ARHGEF4: variants seen among roughly 807,000 people sequenced by gnomAD.
ARHGEF4 encodes the protein APC-stimulated guanine nucleotide exchange factor 1.
ARHGEF4 carries 119 observed loss-of-function variants against 162.0 expected under a neutral mutation model. The observed-to-expected ratio is 0.73, with a 90% CI of 0.63 to 0.86. The LOEUF is 0.86. ARHGEF4 is among the 40% of genes least tolerant of loss of function. ARHGEF4 has a pLI of 0.00. For synonymous variants in ARHGEF4, 1,014 were observed against 979.9 expected, an observed-to-expected ratio of 1.03 and a Z score of -0.65; for missense variants, 2,488 against 2,456.0, an observed-to-expected ratio of 1.01 and a Z score of -0.28.
intron 4 of ARHGEF4, among the ~76,000 whole-genome samples, chr2:130,971,793 A>G (rs537466483): frequency 6.6e-6 from 1 of 152,324 alleles, no homozygotes; most frequent in Non-Finnish European, 1.5e-5. Context: ...CAGTTTAGAA[A>G]CATCATACAT....
rs115284608 is a variant in ARHGEF4 at position 130,997,624 on chromosome 2, T to C, written c.3986-30321T>C. Among the ~76,000 whole-genome samples, 752 of 152,302 alleles carry C rather than the reference T, an allele frequency of 4.9e-3. 7 individuals carry two copies. Among genetic ancestry groups the C allele is most frequent in the African/African-American group, 0.017 (725 of 41,558 alleles). ...TAACCTTTGTGAAGTTAAGATAGTT[T>C]CTATGTTGAGCAGTTCTAATCCTAA... On this transcript the variant is annotated intron_variant, in intron 4 of 13. Coordinates refer to ENST00000409359, the MANE Select transcript of ARHGEF4 (RefSeq NM_001367493.1).
intron 6 of ARHGEF4, 97 bp from the exon 7 acceptor site, chr2:131,039,919 C>T (rs1690637136): frequency 6.7e-7 from 1 of 1,484,884 alleles, no homozygotes; most frequent in South Asian, 1.4e-5. Flanking sequence ...GTACACCCTG[C>T]GGGGCCTCCG....
chr2:131,035,774 G>T (rs1344901451), intron 5 of ARHGEF4: 3 of 985,210 alleles, frequency 3.0e-6, no homozygotes, highest in Non-Finnish European at 3.6e-6. Flanking sequence ...TGGGCCCTCT[G>T]AAGCCCCCAC....
intron 11 of ARHGEF4, among the ~76,000 whole-genome samples, chr2:131,044,072 C>T (rs1314597763): frequency 4.6e-5 from 7 of 152,176 alleles, no homozygotes; most frequent in African/African-American, 7.2e-5. Flanking sequence ...GGGCCAACCC[C>T]GGGCTAGTCA....
At chr2:131,034,106 T>C (rs1690053947) in intron 5 of ARHGEF4, among the ~76,000 whole-genome samples, 2 of 152,216 alleles carry the variant, frequency 1.3e-5, no homozygotes, top group African/African-American at 2.4e-5. Context: ...CACAGAGAGA[T>C]CAGAGCATAC....
intron 1 of ARHGEF4, among the ~76,000 whole-genome samples, chr2:130,899,591 G>C (rs898157747): frequency 3.9e-5 from 6 of 152,224 alleles, no homozygotes; most frequent in Non-Finnish European, 8.8e-5. Context: ...AGGCAGACGG[G>C]AGAGCCGCCA....
chr2:130,919,539 T>C (rs1297751917), intron 2 of ARHGEF4, among the ~76,000 whole-genome samples: 2 of 152,146 alleles, frequency 1.3e-5, no homozygotes, highest in African/African-American at 2.4e-5. Flanking sequence ...AATCAAGTAG[T>C]CAAAAAAAGA....
chr2:130,990,767 T>C (rs1558816400), intron 4 of ARHGEF4, among the ~76,000 whole-genome samples: 1 of 152,140 alleles, frequency 6.6e-6, no homozygotes, highest in South Asian at 2.1e-4. Context: ...CTAAAGACCT[T>C]ACTCAAACCT....
Position 130,890,762 on chromosome 2 carries a change from TC to T in ARHGEF4, c.40-23221del, listed in dbSNP as rs555469792. Among the ~76,000 whole-genome samples the T allele has an allele frequency of 9.9e-4, 151 of 152,320 alleles. 2 individuals carry two copies. The highest frequency in any genetic ancestry group is 3.4e-3 in the African/African-American group (142 of 41,552). The stretch of plus-strand genomic sequence containing the variant: ...TTAGGAGTTCTGTCTAGTTTCCTGT[TC>T]CCTATAGATACTTAAGCTTGTCTTT... On this transcript the variant is annotated intron_variant, in intron 1 of 13. Transcript: ENST00000409359.
At chr2:130,899,781 G>GA (rs1680381882) in intron 1 of ARHGEF4, among the ~76,000 whole-genome samples, 2 of 152,178 alleles carry the variant, frequency 1.3e-5, no homozygotes, top group South Asian at 4.2e-4. Context: ...TGGAATCCAA[G>GA]GGGGTGGGAG....
intron 1 of ARHGEF4, among the ~76,000 whole-genome samples, chr2:130,850,260 A>G (rs1681310679): frequency 6.6e-6 from 1 of 152,196 alleles, no homozygotes; most frequent in South Asian, 2.1e-4. Context: ...TCTGTACCTG[A>G]GGAAGGAGGA....
At chr2:130,938,931 G>T (rs1683121228) in intron 3 of ARHGEF4, among the ~76,000 whole-genome samples, 1 of 152,108 alleles carries the variant, frequency 6.6e-6, no homozygotes, top group Admixed American at 6.6e-5. Flanking sequence ...TTAGGTTCAG[G>T]GGTACATGGG....
chr2:131,020,454 C>G (rs1689047285), intron 4 of ARHGEF4, among the ~76,000 whole-genome samples: 1 of 151,042 alleles, frequency 6.6e-6, no homozygotes, highest in Admixed American at 6.6e-5. Flanking sequence ...GTTTTTTGTC[C>G]TTGCGATAGT....
intron 1 of ARHGEF4, among the ~76,000 whole-genome samples, chr2:130,853,671 C>T (rs1188232749): frequency 6.6e-6 from 1 of 152,188 alleles, no homozygotes; most frequent in Non-Finnish European, 1.5e-5. Flanking sequence ...GTCTTTGGCT[C>T]TCCTAGGGGC....
Position 130,973,258 on chromosome 2 carries a change from G to T in ARHGEF4, c.3985+26623G>T, listed in dbSNP as rs574604938. Among the ~76,000 whole-genome samples, 147 of 152,314 alleles carry T rather than the reference G, an allele frequency of 9.7e-4. 1 individual carries two copies. The highest frequency in any genetic ancestry group is 3.4e-3 in the African/African-American group (142 of 41,560). ...AATCCCATCACTTTGGGAGGCTGAGGCAGGCAGATCACGTAAGGCCAGGAA... is the reference window on the plus strand; with the variant it reads ...AATCCCATCACTTTGGGAGGCTGAGTCAGGCAGATCACGTAAGGCCAGGAA... On this transcript the variant is annotated intron_variant, in intron 4 of 13. Transcript: ENST00000409359.
At chr2:130,883,384 G>C (rs1396189244) in intron 1 of ARHGEF4, among the ~76,000 whole-genome samples, 1 of 152,088 alleles carries the variant, frequency 6.6e-6, no homozygotes, top group African/African-American at 2.4e-5. Flanking sequence ...TCTGTGGAAT[G>C]CCGGAGCAGT....
intron 1 of ARHGEF4, among the ~76,000 whole-genome samples, chr2:130,870,501 G>C (rs750750714): frequency 2.8e-4 from 42 of 152,066 alleles, no homozygotes; most frequent in Non-Finnish European, 5.7e-4. Context: ...TTCCCTTTGA[G>C]GCTTTGTGTT....
intron 4 of ARHGEF4, among the ~76,000 whole-genome samples, chr2:130,998,833 G>A (rs1687570894): frequency 6.6e-6 from 1 of 152,202 alleles, no homozygotes; most frequent in Non-Finnish European, 1.5e-5. Context: ...AAATACCAAG[G>A]AGTGTGATTG....
chr2:130,837,421 C>T, intron 1 of ARHGEF4: 2 of 325,430 alleles, frequency 6.1e-6, no homozygotes, highest in Non-Finnish European at 1.2e-5. Context: ...CTGGTGCCGG[C>T]CCGGTGGGTA....
Sources: gnomAD v4.1 joint callset for allele counts (sites outside exome capture counted in the v4.1 genomes callset) on GRCh38, gnomAD v4.1.1 for gene constraint, MANE v1.5 for transcripts, NCBI Gene and HGNC (gene_info 2026-07-23, HGNC 2026-07-21) for gene names.